The following RBFOX1 variants were observed in gnomAD, a reference collection of about 807,000 sequenced individuals.
The protein encoded by RBFOX1 is RNA binding fox-1 homolog 1.
Under a neutral mutation model 57.7 loss-of-function variants are expected in RBFOX1, and 8 were observed. The ratio of observed to expected loss-of-function variants is 0.14; its 90% CI spans 0.08 to 0.25. The LOEUF (loss-of-function observed/expected upper bound fraction) is 0.25. Ranked by LOEUF, RBFOX1 falls within the 10% of genes least tolerant of loss-of-function variation. The pLI is 1.00. For synonymous variants in RBFOX1, 326 were observed against 222.4 expected, an observed-to-expected ratio of 1.47 and a Z score of -4.15; for missense variants, 611 against 548.5, an observed-to-expected ratio of 1.11 and a Z score of -1.14.
At chr16:6,766,524 C>G (rs368575561) in intron 3 of RBFOX1, among the ~76,000 whole-genome samples, 1 of 151,806 alleles carries the variant, frequency 6.6e-6, no homozygotes, top group African/African-American at 2.4e-5. Flanking sequence ...ATAGCACTGT[C>G]CAATAGAACT....
intron 1 of RBFOX1, among the ~76,000 whole-genome samples, chr16:6,096,846 G>A (rs1291632955): frequency 1.3e-5 from 2 of 152,182 alleles, no homozygotes; most frequent in Non-Finnish European, 2.9e-5. Context: ...CAGGTCATCA[G>A]CCTCCGCTGG....
chr16:5,394,885 A>G (rs535502681), intron 1 of RBFOX1, among the ~76,000 whole-genome samples: 4 of 151,750 alleles, frequency 2.6e-5, no homozygotes, highest in Non-Finnish European at 4.4e-5. Flanking sequence ...TCTGCACTTC[A>G]TCTCTTGCTA....
chr16:6,689,087 G>A (rs1245264241), intron 3 of RBFOX1, among the ~76,000 whole-genome samples: 3 of 152,136 alleles, frequency 2.0e-5, no homozygotes, highest in Non-Finnish European at 4.4e-5. Flanking sequence ...GAACAGTGCT[G>A]CAATAAACAT....
At chr16:6,727,701 A>G (rs574759545) in intron 3 of RBFOX1, among the ~76,000 whole-genome samples, 2 of 152,240 alleles carry the variant, frequency 1.3e-5, no homozygotes, top group East Asian at 3.9e-4. Flanking sequence ...TCCCTGGTAC[A>G]CCTATCAAAT....
At chr16:6,366,927 C>T (rs1187847886) in intron 2 of RBFOX1, among the ~76,000 whole-genome samples, 1 of 152,196 alleles carries the variant, frequency 6.6e-6, no homozygotes, top group Non-Finnish European at 1.5e-5. Context: ...GACTGTGTGT[C>T]ACCTTTCACA....
At chr16:6,859,979 A>C (rs958699909) in intron 3 of RBFOX1, among the ~76,000 whole-genome samples, 7 of 152,146 alleles carry the variant, frequency 4.6e-5, no homozygotes, top group African/African-American at 1.7e-4. Context: ...TGAGGAGTGG[A>C]ATTGGTTTTT....
chr16:7,327,920 G>T (rs1193518061), intron 4 of RBFOX1, among the ~76,000 whole-genome samples: 4 of 152,072 alleles, frequency 2.6e-5, no homozygotes, highest in Non-Finnish European at 5.9e-5. Context: ...TTGACCGACA[G>T]AATCCATGAG....
intron 3 of RBFOX1, among the ~76,000 whole-genome samples, chr16:6,758,572 A>G (rs75274714): frequency 0.013 from 1,968 of 152,266 alleles, 34 homozygotes; most frequent in Middle Eastern, 0.041. Flanking sequence ...TCTCTAAAAC[A>G]TCCCAAACTG....
intron 3 of RBFOX1, among the ~76,000 whole-genome samples, chr16:6,990,679 C>G (rs960307712): frequency 6.6e-6 from 1 of 152,108 alleles, no homozygotes; most frequent in African/African-American, 2.4e-5. Context: ...AAGCCGTGAT[C>G]AGTTTTGCAC....
At chr16:5,697,665 C>G (rs530881002) in intron 3 of RBFOX1, among the ~76,000 whole-genome samples, 38 of 150,138 alleles carry the variant, frequency 2.5e-4, no homozygotes, top group African/African-American at 8.6e-4. Context: ...CTCCAAGTAG[C>G]TAGGACTACA....
intron 6 of RBFOX1, among the ~76,000 whole-genome samples, chr16:7,581,457 A>G (rs1297496839): frequency 6.6e-6 from 1 of 152,040 alleles, no homozygotes; most frequent in East Asian, 1.9e-4. Flanking sequence ...TTTCTCATCA[A>G]GTGTCACTGT....
rs143495037 is a variant in RBFOX1, at chr16:6,098,028, C to T, written c.-127+78036C>T. ...ACAAGCTCCCACGGATGCTGGTGCT[C>T]ACTTGGCATAGCAAGGGGTTATGCT... On this transcript the variant is annotated intron_variant, in intron 1 of 15. Transcript: ENST00000550418. Among the ~76,000 whole-genome samples the T allele has an allele frequency of 5.7e-3, 864 of 152,190 alleles. 7 individuals are homozygous for T. Among genetic ancestry groups the T allele is most frequent in the Middle Eastern group, 0.01 (3 of 294 alleles).
chr16:6,504,198 C>T (rs79529041), intron 2 of RBFOX1, among the ~76,000 whole-genome samples: 3,289 of 152,276 alleles, frequency 0.022, 138 homozygotes, highest in African/African-American at 0.076. Context: ...GCTGTGCAAG[C>T]CTGCATGATA....
intron 4 of RBFOX1, among the ~76,000 whole-genome samples, chr16:5,980,978 C>T (rs963881594): frequency 2.6e-5 from 4 of 152,138 alleles, no homozygotes; most frequent in South Asian, 2.1e-4. Flanking sequence ...AGTCAGAGTG[C>T]GATCTGCAGA....
intron 3 of RBFOX1, among the ~76,000 whole-genome samples, chr16:6,937,867 C>T (rs925456657): frequency 7.3e-5 from 11 of 150,762 alleles, no homozygotes; most frequent in African/African-American, 2.2e-4. Context: ...CTGGCTTTTC[C>T]TGAATTCCAA....
intron 4 of RBFOX1, among the ~76,000 whole-genome samples, chr16:7,292,355 T>C (rs1022597050): frequency 2.2e-5 from 3 of 139,370 alleles, no homozygotes; most frequent in South Asian, 2.1e-4. Context: ...TAATATATAA[T>C]GTATTATGTT....
chr16:6,649,270 T>C (rs185395990), intron 2 of RBFOX1, among the ~76,000 whole-genome samples: 14 of 152,364 alleles, frequency 9.2e-5, no homozygotes, highest in Admixed American at 4.6e-4. Flanking sequence ...AGTGACAGGC[T>C]TTCCTTCTTT....
chr16:5,797,367 G>A (rs868014087), intron 3 of RBFOX1, among the ~76,000 whole-genome samples: 8 of 152,174 alleles, frequency 5.3e-5, no homozygotes, highest in Non-Finnish European at 7.3e-5. Flanking sequence ...TTCAAGGACC[G>A]TCTTGGAACA....
chr16:7,182,353 A>G (rs538174920), intron 4 of RBFOX1, among the ~76,000 whole-genome samples: 2 of 152,282 alleles, frequency 1.3e-5, no homozygotes, highest in Non-Finnish European at 2.9e-5. Context: ...AGCATCTTCC[A>G]TTCTTCCTGA....
Sources: allele counts gnomAD v4.1 joint callset (sites outside exome capture counted in the v4.1 genomes callset), GRCh38; gene constraint gnomAD v4.1.1; transcripts MANE v1.5; gene names NCBI Gene and HGNC (gene_info 2026-07-23, HGNC 2026-07-21).